The following GALNT5 variants were observed in gnomAD, a reference collection of about 807,000 sequenced individuals.
GALNT5 encodes the protein polypeptide N-acetylgalactosaminyltransferase 5, also known as UDP-GalNAc:polypeptide N-acetylgalactosaminyltransferase 5.
GALNT5 carries 72 observed loss-of-function variants against 85.4 expected under a neutral mutation model. The observed-to-expected ratio is 0.84, with a 90% confidence interval of 0.70 to 1.03. The LOEUF (loss-of-function observed/expected upper bound fraction) is 1.03. Among genes scored for constraint, GALNT5 ranks in the 50% least tolerant of loss-of-function variants. The pLI is 0.00. For synonymous variants in GALNT5, 404 were observed against 397.0 expected, an observed-to-expected ratio of 1.02 and a Z score of -0.21; for missense variants, 1,137 against 1,135.5, an observed-to-expected ratio of 1.00 and a Z score of -0.02.
At position 157,299,558 on chromosome 2, in the gene GALNT5, A is replaced by G. The variant is rs377731573; in HGVS notation, c.2008A>G (p.Met670Val). The change falls in exon 6 of 10, where the codon ATG (methionine) becomes GTG (valine). Residue 670 changes from methionine to valine, a missense_variant. Physicochemically the swap from Met to Val is conservative, Grantham distance 21. Transcript: ENST00000259056. ...CTTTTCTTTTTGTAGGTGCCCTGTCATGGCTGGTGGATTGTTTTCTATTGA... is the reference window on the plus strand; with the variant it reads ...CTTTTCTTTTTGTAGGTGCCCTGTCGTGGCTGGTGGATTGTTTTCTATTGA... ...KETDTIRCPV[M>V]AGGLFSIDKS... 4 of 1,605,090 alleles carry G rather than the reference A, an allele frequency of 2.5e-6. No individual in the cohort carries two copies. The highest frequency in any genetic ancestry group is 2.2e-5 in the East Asian group (1 of 44,812).
chr2:157,303,290 G>A lies in GALNT5; in HGVS notation c.2439+2291G>A, dbSNP rs77985735. On this transcript the variant is annotated intron_variant, in intron 7 of 9. Coordinates refer to ENST00000259056, the MANE Select transcript of GALNT5 (RefSeq NM_014568.3). Reference sequence around the variant, plus strand: ...AATCCAGTGAAAGTTTTGGTTTTTTGTAATAAGAAGAAATATTTTCTTATT... The same window carrying A: ...AATCCAGTGAAAGTTTTGGTTTTTTATAATAAGAAGAAATATTTTCTTATT... 8.0e-3 allele frequency among the ~76,000 whole-genome samples: 1,214 copies of A among 152,054 alleles called. 17 individuals are homozygous for A. Among genetic ancestry groups the A allele is most frequent in the Non-Finnish European group, 6.9e-3 (469 of 67,970 alleles).
chr2:157,275,588 T>C (rs1002006279), intron 1 of GALNT5, among the ~76,000 whole-genome samples: 1 of 152,360 alleles, frequency 6.6e-6, no homozygotes, highest in African/African-American at 2.4e-5. Context: ...ATTGTGGCAA[T>C]TGTGAATCGG....
rs1460748870 is a variant in GALNT5 at position 157,293,717 on chromosome 2, G to A, written c.1742-1946G>A. On this transcript the variant is annotated intron_variant, in intron 3 of 9. Coordinates refer to ENST00000259056, the MANE Select transcript of GALNT5 (RefSeq NM_014568.3). ...CTTGCCCTCATGCAAAAATGCCATT[G>A]TTAACCAAGTAATTAATACGATGCT... Among the ~76,000 whole-genome samples the A allele has an allele frequency of 7.2e-4, 110 of 152,156 alleles. 1 individual carries two copies. The highest frequency in any genetic ancestry group is 2.9e-5 in the Non-Finnish European group (2 of 68,036).
At chr2:157,270,814 T>A (rs539040280) in intron 1 of GALNT5, among the ~76,000 whole-genome samples, 1 of 152,148 alleles carries the variant, frequency 6.6e-6, no homozygotes, top group Admixed American at 6.5e-5. Context: ...AATAAAAGAA[T>A]AGTTAATTTT....
chr2:157,316,059 A>AC lies in GALNT5; in HGVS notation c.*4714dup, dbSNP rs1683695906. Reference sequence around the variant, plus strand: ...AGCCGGTGAAAAGACTGGCCCTCCCACCCTAACCTTTTATTATGCAAATGC... The same window carrying AC: ...AGCCGGTGAAAAGACTGGCCCTCCCACCCCTAACCTTTTATTATGCAAATGC... On this transcript the variant is annotated 3_prime_UTR_variant, in exon 10 of 10. Transcript: ENST00000259056. Among the ~76,000 whole-genome samples the AC allele has an allele frequency of 6.6e-6, 1 of 151,936 alleles. No individual in the cohort carries two copies. The highest frequency in any genetic ancestry group is 2.4e-5 in the African/African-American group (1 of 41,364).
chr2:157,302,940 A>T lies in GALNT5; in HGVS notation c.2439+1941A>T, dbSNP rs189412013. On this transcript the variant is annotated intron_variant, in intron 7 of 9. Coordinates refer to ENST00000259056, the MANE Select transcript of GALNT5 (RefSeq NM_014568.3). ...AGCAGGGAGCGTTATTAACATTTTT[A>T]AAAAATTAGGACCTTTCTCCAGGTA... Among the ~76,000 whole-genome samples, 521 of 152,352 alleles carry T rather than the reference A, an allele frequency of 3.4e-3. 3 individuals carry two copies. The highest frequency in any genetic ancestry group is 5.1e-3 in the Non-Finnish European group (346 of 68,038).
intron 1 of GALNT5, among the ~76,000 whole-genome samples, chr2:157,277,110 G>T (rs1682748146): frequency 1.3e-5 from 2 of 152,088 alleles, no homozygotes; most frequent in Non-Finnish European, 2.9e-5. Context: ...AGGTTGTTCA[G>T]TCTCCATGTA....
intron 1 of GALNT5, among the ~76,000 whole-genome samples, chr2:157,263,140 TA>T (rs1210906595): frequency 6.6e-6 from 1 of 151,738 alleles, no homozygotes; most frequent in African/African-American, 2.4e-5. Context: ...ACCTCTTTTC[TA>T]AAGCACAAGA....
intron 1 of GALNT5, among the ~76,000 whole-genome samples, chr2:157,273,356 TGGAAATC>T (rs1183050348): frequency 6.6e-6 from 1 of 152,194 alleles, no homozygotes; most frequent in African/African-American, 2.4e-5. Context: ...TAGTACTTCT[TGGAAATC>T]CCTCAATTTA....
chr2:157,259,449 A>T lies in GALNT5; in HGVS notation c.1367A>T (p.Glu456Val). Residue 456 changes from glutamate to valine, a missense_variant, in exon 1 of 10, where the codon GAA becomes GTA. Glu to Val is a moderately radical substitution (Grantham distance 121, BLOSUM62 -2). Coordinates refer to ENST00000259056, the MANE Select transcript of GALNT5 (RefSeq NM_014568.3). ...VVPHGKEKEA[E>V]RRWKEGNFNV... ...CCCCATGGAAAGGAGAAGGAGGCAG[A>T]AAGAAGATGGAAAGAAGGAAACTTC... The T allele has an allele frequency of 6.8e-7, 1 of 1,467,510 alleles. No homozygotes were observed. Among genetic ancestry groups the T allele is most frequent in the South Asian group, 1.7e-5 (1 of 60,232 alleles). The allele number at this position is 1,467,510 out of a possible 1,614,324, so 90.9% of individuals were successfully genotyped here. A position where few individuals can be genotyped will look rare whatever the true frequency, so the allele number is the denominator to read the frequency against.
chr2:157,309,409 T>C (rs925836793), intron 9 of GALNT5, among the ~76,000 whole-genome samples: 1 of 152,240 alleles, frequency 6.6e-6, no homozygotes, highest in African/African-American at 2.4e-5. Flanking sequence ...ACATTCCTGG[T>C]CTACTGTATT....
At chr2:157,277,241 A>G (rs564677874) in intron 1 of GALNT5, among the ~76,000 whole-genome samples, 1 of 152,266 alleles carries the variant, frequency 6.6e-6, no homozygotes, top group South Asian at 2.1e-4. Context: ...TTTACTTCCA[A>G]TTATGTGATC....
At chr2:157,262,933 T>C (rs1158503157) in intron 1 of GALNT5, among the ~76,000 whole-genome samples, 1 of 144,672 alleles carries the variant, frequency 6.9e-6, no homozygotes, top group Non-Finnish European at 1.5e-5. Context: ...GTTCACACCA[T>C]TCTCCTGCCT....
chr2:157,289,682 A>C (rs1683052680), intron 3 of GALNT5, among the ~76,000 whole-genome samples: 1 of 152,110 alleles, frequency 6.6e-6, no homozygotes, highest in Non-Finnish European at 1.5e-5. Flanking sequence ...CCTAATTTCC[A>C]ATTTTTTATT....
chr2:157,259,652 C>A, intron 1 of GALNT5, 116 bp downstream of exon 1: 1 of 674,454 alleles, frequency 1.5e-6, no homozygotes, highest in Non-Finnish European at 2.2e-6. Flanking sequence ...ATTAAAGAAA[C>A]ATTAATCATT....
Position 157,299,530 on chromosome 2 carries a change from A to G in GALNT5, c.1998-18A>G. ...TTCATGAGATGCAAGTTTAAAAAAC[A>G]AACTTTTCTTTTTGTAGGTGCCCTG... On this transcript the variant is annotated intron_variant, in intron 5 of 9. Coordinates refer to ENST00000259056, the MANE Select transcript of GALNT5 (RefSeq NM_014568.3). 7 of 1,492,886 alleles carry G rather than the reference A, an allele frequency of 4.7e-6. No individual in the cohort carries two copies. In the South Asian group the frequency reaches 8.0e-5, roughly 17 times the overall value. 92.5% of individuals were successfully genotyped at this position (1,492,886 alleles called of 1,614,324 possible). A position where few individuals can be genotyped will look rare whatever the true frequency, so the allele number is the denominator to read the frequency against.
intron 3 of GALNT5, among the ~76,000 whole-genome samples, chr2:157,290,112 T>TATATATATATACACACACAC (rs1416458086): frequency 7.2e-6 from 1 of 138,252 alleles, no homozygotes; most frequent in African/African-American, 3.1e-5. Context: ...TATATATATA[T>TATATATATATACACACACAC]ACATACACAA....
chr2:157,260,128 T>C (rs1011973712), intron 1 of GALNT5, among the ~76,000 whole-genome samples: 6 of 152,182 alleles, frequency 3.9e-5, no homozygotes, highest in Admixed American at 3.9e-4. Flanking sequence ...ATAGGAATCA[T>C]AATGTTGGAA....
chr2:157,282,448 T>C (rs915496323), intron 1 of GALNT5, among the ~76,000 whole-genome samples: 2 of 152,216 alleles, frequency 1.3e-5, no homozygotes, highest in East Asian at 1.9e-4. Flanking sequence ...TGGATATTTA[T>C]GTTTTTCTAA....
Sources: gnomAD v4.1 joint callset for allele counts (sites outside exome capture counted in the v4.1 genomes callset) on GRCh38, gnomAD v4.1.1 for gene constraint, MANE v1.5 for transcripts, NCBI Gene and HGNC (gene_info 2026-07-23, HGNC 2026-07-21) for gene names.